The following CAPS2 variants were observed in gnomAD, a reference collection of about 807,000 sequenced individuals.
The protein encoded by CAPS2 is calcyphosine 2.
CAPS2 carries 98 observed loss-of-function variants against 86.5 expected under a neutral mutation model. The ratio of observed to expected loss-of-function variants is 1.13; its 90% CI spans 0.96 to 1.34. The LOEUF (loss-of-function observed/expected upper bound fraction) is 1.34, where lower values mean the gene tolerates loss of function less well. Ranked by LOEUF, CAPS2 falls within the 40% of genes most tolerant of loss-of-function variation. The pLI is 0.00. For synonymous variants in CAPS2, 210 were observed against 225.1 expected (o/e 0.93, Z 0.60); for missense variants, 729 against 686.8 (o/e 1.06, Z -0.69).
chr12:75,306,272 C>A, intron 7 of CAPS2: 1 of 617,768 alleles, frequency 1.6e-6, no homozygotes. Context: ...GCAGGCCTTC[C>A]GGATACTGGG....
At chr12:75,304,419 T>A (rs1209427054) in intron 8 of CAPS2, among the ~76,000 whole-genome samples, 1 of 152,106 alleles carries the variant, frequency 6.6e-6, no homozygotes, top group Non-Finnish European at 1.5e-5. Flanking sequence ...CAACACCAAG[T>A]TTTAATATGC....
intron 1 of CAPS2, among the ~76,000 whole-genome samples, chr12:75,343,023 G>A (rs2042220972): frequency 6.7e-6 from 1 of 148,340 alleles, no homozygotes; most frequent in African/African-American, 2.6e-5. Flanking sequence ...TTATAGTATT[G>A]TTTATGTATT....
At chr12:75,289,924 T>C in intron 13 of CAPS2, 149 bp from the exon 14 acceptor site, 1 of 621,192 alleles carries the variant, frequency 1.6e-6, no homozygotes, top group Non-Finnish European at 2.7e-6. Context: ...CAAAAGACTT[T>C]GGAAAATAGG....
chr12:75,290,925 A>AAAAAAAAC (rs2035730531), intron 13 of CAPS2, among the ~76,000 whole-genome samples: 1 of 60,960 alleles, frequency 1.6e-5, no homozygotes, highest in African/African-American at 5.1e-5. Flanking sequence ...CTCTCTCTCA[A>AAAAAAAAC]AAAAAAAAAC....
intron 1 of CAPS2, among the ~76,000 whole-genome samples, chr12:75,344,134 T>C (rs1475983190): frequency 6.6e-6 from 1 of 152,108 alleles, no homozygotes. Flanking sequence ...TCACTGGCCT[T>C]TTTGAAGTTG....
At chr12:75,355,076 G>A (rs542040137) in intron 1 of CAPS2, among the ~76,000 whole-genome samples, 7 of 152,032 alleles carry the variant, frequency 4.6e-5, no homozygotes, top group South Asian at 4.2e-4. Flanking sequence ...ATGGGCAAAC[G>A]TTTCAAGACA....
At chr12:75,305,551 G>T in intron 7 of CAPS2, 1 of 626,154 alleles carries the variant, frequency 1.6e-6, no homozygotes, top group Non-Finnish European at 3.0e-6. Flanking sequence ...TCCTCCGTCC[G>T]CGACCCTGGC....
intron 1 of CAPS2, chr12:75,390,727 G>T (rs1471452852): frequency 1.3e-5 from 6 of 470,062 alleles, no homozygotes; most frequent in Non-Finnish European, 2.6e-5. Flanking sequence ...TCAGCAATTG[G>T]CATTTACCAT....
intron 14 of CAPS2, among the ~76,000 whole-genome samples, chr12:75,285,305 T>C (rs960505682): frequency 2.6e-5 from 4 of 152,022 alleles, no homozygotes; most frequent in African/African-American, 9.7e-5. Flanking sequence ...GGAATGGCAA[T>C]AGCTCACAAA....
intron 1 of CAPS2, chr12:75,370,108 G>A: frequency 6.2e-7 from 1 of 1,606,620 alleles, no homozygotes; most frequent in African/African-American, 1.3e-5. Flanking sequence ...GAAGCCAACG[G>A]GGAGAGCACC....
At chr12:75,305,688 C>T (rs2038385404) in intron 7 of CAPS2, 3 of 659,648 alleles carry the variant, frequency 4.5e-6, no homozygotes, top group Non-Finnish European at 8.7e-6. Context: ...TCTGGCCCGG[C>T]ACAGCTGCTG....
rs775410197 is a variant in CAPS2 at position 75,293,383 on chromosome 12, G to T, written c.1045-16C>A. On this transcript the variant is annotated splice_polypyrimidine_tract_variant and intron_variant, in intron 11 of 16. Coordinates refer to ENST00000393284, the Ensembl canonical transcript of CAPS2. ...AGGTTGCACCCTAAACAAAAGAACA[G>T]ATGAATGAAGCTAGAAAGCATGTAA... 8.9e-6 allele frequency: 13 copies of T among 1,459,384 alleles called. No individual in the cohort carries two copies. Among genetic ancestry groups the T allele is most frequent in the Admixed American group, 3.5e-5 (2 of 56,832 alleles). 90.4% of individuals were successfully genotyped at this position (1,459,384 alleles called of 1,614,324 possible). A position where few individuals can be genotyped will look rare whatever the true frequency, so the allele number is the denominator to read the frequency against.
At chr12:75,286,349 T>C (rs904617586) in intron 14 of CAPS2, among the ~76,000 whole-genome samples, 3 of 151,974 alleles carry the variant, frequency 2.0e-5, no homozygotes, top group African/African-American at 7.2e-5. Flanking sequence ...AGCTTGACCT[T>C]TAAAATCATG....
chr12:75,279,835 T>G (rs1236978117), intron 16 of CAPS2, among the ~76,000 whole-genome samples: 1 of 152,028 alleles, frequency 6.6e-6, no homozygotes, highest in Admixed American at 6.6e-5. Context: ...TTAATCAAGA[T>G]CCAAACTATA....
intron 1 of CAPS2, among the ~76,000 whole-genome samples, chr12:75,345,107 A>T (rs1662073174): frequency 6.6e-6 from 1 of 151,878 alleles, no homozygotes; most frequent in Non-Finnish European, 1.5e-5. Context: ...TACAATTCTC[A>T]CCTCTTCAGT....
intron 8 of CAPS2, among the ~76,000 whole-genome samples, chr12:75,303,115 T>C (rs1276787783): frequency 6.6e-6 from 1 of 152,142 alleles, no homozygotes; most frequent in Non-Finnish European, 1.5e-5. Flanking sequence ...CAAATATCTA[T>C]CAACCTCTGA....
At chr12:75,380,381 C>T (rs2044895395) in intron 1 of CAPS2, among the ~76,000 whole-genome samples, 1 of 152,066 alleles carries the variant, frequency 6.6e-6, no homozygotes, top group South Asian at 2.1e-4. Flanking sequence ...AGTGGAACTC[C>T]CATTTTCTCT....
chr12:75,304,644 A>G (rs2038223883), intron 8 of CAPS2, 113 bp downstream of exon 8: 2 of 782,252 alleles, frequency 2.6e-6, no homozygotes, highest in Admixed American at 7.5e-5. Flanking sequence ...ACTTTTCTTT[A>G]TATAGAAAAA....
intron 1 of CAPS2, among the ~76,000 whole-genome samples, chr12:75,346,701 G>A (rs1479375578): frequency 6.6e-6 from 1 of 152,032 alleles, no homozygotes; most frequent in East Asian, 1.9e-4. Flanking sequence ...CACTTTTGCT[G>A]GTAAATATTT....
Sources: allele counts gnomAD v4.1 joint callset (sites outside exome capture counted in the v4.1 genomes callset), GRCh38; gene constraint gnomAD v4.1.1; transcripts MANE v1.5; gene names NCBI Gene and HGNC (gene_info 2026-07-23, HGNC 2026-07-21).